The following FARP2 variants were observed in gnomAD, a reference collection of about 807,000 sequenced individuals.
FARP2 encodes the protein FERM, ARH/RhoGEF and pleckstrin domain protein 2, also known as FERM, ARHGEF and pleckstrin domain-containing protein 2.
A neutral mutation model predicts 130.5 loss-of-function variants in FARP2; 111 were observed. The ratio of observed to expected loss-of-function variants is 0.85; its 90% CI spans 0.73 to 1.00. The LOEUF is 1.00. Ranked by LOEUF, FARP2 falls within the 50% of genes least tolerant of loss-of-function variation. FARP2 has a pLI of 0.00. For synonymous variants in FARP2, 504 were observed against 516.9 expected (o/e 0.98, Z 0.34); for missense variants, 1,385 against 1,346.3 (o/e 1.03, Z -0.45).
chr2:241,357,679 A>G (rs960534160), intron 1 of FARP2, among the ~76,000 whole-genome samples: 2 of 152,198 alleles, frequency 1.3e-5, no homozygotes, highest in African/African-American at 4.8e-5. Flanking sequence ...CATGTGCCCT[A>G]TCCTTGTTGC....
chr2:241,477,141 TTTTA>T (rs1200105064), intron 19 of FARP2, among the ~76,000 whole-genome samples: 15 of 147,888 alleles, frequency 1.0e-4, no homozygotes, highest in Non-Finnish European at 1.8e-4. Context: ...TTTTTTTTTT[TTTTA>T]TTTGAGACAG....
Sources: gnomAD v4.1 joint callset for allele counts (sites outside exome capture counted in the v4.1 genomes callset) on GRCh38, gnomAD v4.1.1 for gene constraint, MANE v1.5 for transcripts, NCBI Gene and HGNC (gene_info 2026-07-23, HGNC 2026-07-21) for gene names.